ADAMTSL1: variants seen among roughly 807,000 people sequenced by gnomAD.
ADAMTSL1 encodes ADAMTS like 1.
Under a neutral mutation model 201.8 loss-of-function variants are expected in ADAMTSL1, and 126 were observed. The observed-to-expected ratio is 0.62, with a 90% CI of 0.54 to 0.72. ADAMTSL1 has a LOEUF of 0.72. Among genes scored for constraint, ADAMTSL1 ranks in the 30% least tolerant of loss-of-function variants. The pLI is 0.00. For synonymous variants in ADAMTSL1, 1,121 were observed against 903.4 expected, an observed-to-expected ratio of 1.24 and a Z score of -4.32; for missense variants, 2,679 against 2,277.8, an observed-to-expected ratio of 1.18 and a Z score of -3.59.
At chr9:18,572,203 A>T (rs891291747) in intron 3 of ADAMTSL1, among the ~76,000 whole-genome samples, 3 of 152,274 alleles carry the variant, frequency 2.0e-5, no homozygotes, top group South Asian at 2.1e-4. Context: ...TCAAAAAAAA[A>T]AAAAATAAAG....
intron 2 of ADAMTSL1, among the ~76,000 whole-genome samples, chr9:18,178,268 C>T (rs1025644346): frequency 1.9e-4 from 29 of 150,768 alleles, no homozygotes; most frequent in Non-Finnish European, 3.2e-4. Context: ...GGGTGACAGA[C>T]GGCACCTGGA....
chr9:18,849,603 C>A (rs934467), intron 23 of ADAMTSL1, among the ~76,000 whole-genome samples: 2 of 151,924 alleles, frequency 1.3e-5, no homozygotes, highest in Admixed American at 6.6e-5. Flanking sequence ...GACAGGGATG[C>A]CGGGAAGGGG....
intron 1 of ADAMTSL1, among the ~76,000 whole-genome samples, chr9:17,966,756 A>G (rs1817994147): frequency 1.3e-5 from 2 of 152,126 alleles, no homozygotes; most frequent in Admixed American, 1.3e-4. Flanking sequence ...GTCTAATTCT[A>G]GCATTTCTTT....
At chr9:18,180,899 C>T (rs1255680353) in intron 2 of ADAMTSL1, among the ~76,000 whole-genome samples, 5 of 152,150 alleles carry the variant, frequency 3.3e-5, no homozygotes, top group African/African-American at 1.2e-4. Context: ...TACAAGGCTA[C>T]AGTAACCAAA....
At chr9:18,031,220 A>C (rs1303504433) in intron 1 of ADAMTSL1, among the ~76,000 whole-genome samples, 2 of 152,176 alleles carry the variant, frequency 1.3e-5, no homozygotes, top group African/African-American at 2.4e-5. Flanking sequence ...AACACTCTGA[A>C]TTTTTAAATT....
Position 18,092,077 on chromosome 9 carries a change from C to A in ADAMTSL1, c.88-71785C>A, listed in dbSNP as rs144017651. Among the ~76,000 whole-genome samples the A allele has an allele frequency of 3.6e-4, 55 of 152,234 alleles. 1 individual carries two copies. In the South Asian group the frequency reaches 4.8e-3, roughly 13 times the overall value. On this transcript the variant is annotated intron_variant, in intron 1 of 29. Coordinates refer to the ADAMTSL1 transcript ENST00000680146. The stretch of plus-strand genomic sequence containing the variant: ...ACATCTGGGATACTACATCCCCAAG[C>A]AGCTTGGGATTACCTGAAAAAATAA...
intron 2 of ADAMTSL1, among the ~76,000 whole-genome samples, chr9:18,239,626 T>C (rs775575887): frequency 2.0e-5 from 3 of 152,086 alleles, no homozygotes; most frequent in Non-Finnish European, 4.4e-5. Flanking sequence ...TGCATGTCTG[T>C]AATCCTAGCT....
At chr9:18,294,782 C>T (rs752934362) in intron 2 of ADAMTSL1, among the ~76,000 whole-genome samples, 9 of 152,078 alleles carry the variant, frequency 5.9e-5, no homozygotes, top group South Asian at 2.1e-4. Context: ...AAATAATACC[C>T]GGTGGAAGGT....
intron 23 of ADAMTSL1, among the ~76,000 whole-genome samples, chr9:18,869,657 C>T (rs1188070400): frequency 6.6e-6 from 1 of 152,140 alleles, no homozygotes; most frequent in Non-Finnish European, 1.5e-5. Flanking sequence ...CTCCTGGTTT[C>T]CTTTGTTTCC....
chr9:18,763,748 T>C (rs1467257302), intron 16 of ADAMTSL1, among the ~76,000 whole-genome samples: 1 of 152,224 alleles, frequency 6.6e-6, no homozygotes, highest in Non-Finnish European at 1.5e-5. Flanking sequence ...AACTGTCTTT[T>C]CCCCAGTGTA....
intron 3 of ADAMTSL1, among the ~76,000 whole-genome samples, chr9:18,551,529 T>A (rs1232422411): frequency 6.9e-6 from 1 of 145,872 alleles, no homozygotes; most frequent in Non-Finnish European, 1.5e-5. Flanking sequence ...TGGGGGAAGA[T>A]TTTTCATTAC....
intron 5 of ADAMTSL1, among the ~76,000 whole-genome samples, chr9:18,631,465 A>G (rs59876729): frequency 0.021 from 3,253 of 152,314 alleles, 64 homozygotes; most frequent in African/African-American, 0.045. Context: ...TACATAGTCA[A>G]TTGTATTTTA....
chr9:18,086,466 C>T (rs1407336759), intron 1 of ADAMTSL1, among the ~76,000 whole-genome samples: 3 of 151,924 alleles, frequency 2.0e-5, no homozygotes, highest in Non-Finnish European at 4.4e-5. Flanking sequence ...TCATATAATC[C>T]TAAATCTGCT....
In ADAMTSL1 at chr9:18,817,237, G is replaced by C. The variant is rs1212161317; in HGVS notation, c.3934G>C (p.Gly1312Arg). The stretch of plus-strand genomic sequence containing the variant: ...TGTGACAATCAACTGCCAGGTTGCA[G>C]GTGAGAAATTAATGTTCATTTGTTC... ...VNVTINCQVAGVPEAEVTWFR... is the reference protein window; with the variant it reads ...VNVTINCQVARVPEAEVTWFR... The change falls in exon 21 of 29, where the codon GGA becomes CGA. Residue 1312 changes from glycine to arginine, a missense_variant and splice_region_variant. Transcript: ENST00000380548. 2.6e-6 allele frequency: 4 copies of C among 1,552,780 alleles called. No individual in the cohort carries two copies. The highest frequency in any genetic ancestry group is 3.5e-6 in the Non-Finnish European group (4 of 1,147,626).
At chr9:18,055,829 G>A (rs374103517) in intron 1 of ADAMTSL1, among the ~76,000 whole-genome samples, 7 of 152,190 alleles carry the variant, frequency 4.6e-5, no homozygotes, top group South Asian at 2.1e-4. Context: ...CAAGTTATTC[G>A]TTTGCCATGC....
At chr9:17,956,856 A>G (rs1159937868) in intron 1 of ADAMTSL1, among the ~76,000 whole-genome samples, 1 of 152,138 alleles carries the variant, frequency 6.6e-6, no homozygotes, top group Non-Finnish European at 1.5e-5. Flanking sequence ...ATAGACTTAT[A>G]TTTCATTGGG....
At chr9:18,141,563 C>A (rs1225450324) in intron 1 of ADAMTSL1, among the ~76,000 whole-genome samples, 1 of 152,224 alleles carries the variant, frequency 6.6e-6, no homozygotes, top group Non-Finnish European at 1.5e-5. Flanking sequence ...AGGTGTCTAG[C>A]ACCCTACCTG....
rs146286183 is a variant in ADAMTSL1, at chr9:18,507,424, A to G, written c.191+2468A>G. 1.5e-3 allele frequency among the ~76,000 whole-genome samples: 228 copies of G among 152,348 alleles called. 1 individual carries two copies. The highest frequency in any genetic ancestry group is 5.3e-3 in the African/African-American group (221 of 41,582). ...TTAAAGATCTACAGTGACTAAGTAA[A>G]TACCTTTATAATAATACCAAATAAG... is the stretch of plus-strand genomic sequence containing the variant. On this transcript the variant is annotated intron_variant, in intron 2 of 28. Coordinates refer to ENST00000380548, the MANE Select transcript of ADAMTSL1 (RefSeq NM_001040272.6).
At chr9:17,990,092 T>C (rs115298188) in intron 1 of ADAMTSL1, among the ~76,000 whole-genome samples, 1,567 of 151,868 alleles carry the variant, frequency 0.01, 29 homozygotes, top group African/African-American at 0.036. Context: ...TAGGAGAAAA[T>C]TGGGGTGGGG....
Sources: allele counts gnomAD v4.1 joint callset (sites outside exome capture counted in the v4.1 genomes callset), GRCh38; gene constraint gnomAD v4.1.1; transcripts MANE v1.5; gene names NCBI Gene and HGNC (gene_info 2026-07-23, HGNC 2026-07-21).